DTNA: variants seen among roughly 807,000 people sequenced by gnomAD.
The protein encoded by DTNA is dystrophin-related protein 3.
In DTNA, 43 loss-of-function variants were observed where a neutral mutation model predicts 100.7. The observed-to-expected ratio is 0.43, with a 90% confidence interval of 0.33 to 0.55. The LOEUF (loss-of-function observed/expected upper bound fraction) is 0.55. Ranked by LOEUF, DTNA falls within the 20% of genes least tolerant of loss-of-function variation. The probability of loss-of-function intolerance (pLI) is 0.04; values close to 1 mark genes in which losing one functional copy is unlikely to be tolerated. For synonymous variants in DTNA, 349 were observed against 347.9 expected (o/e 1.00, Z -0.04); for missense variants, 798 against 953.9 (o/e 0.84, Z 2.15).
At chr18:34,498,565 G>A (rs1303739106) in intron 1 of DTNA, among the ~76,000 whole-genome samples, 2 of 151,708 alleles carry the variant, frequency 1.3e-5, no homozygotes, top group African/African-American at 4.8e-5. Context: ...TCCAGTGAGA[G>A]TTGTATTTAG....
chr18:34,569,821 T>C (rs35500680), intron 1 of DTNA, among the ~76,000 whole-genome samples: 15,423 of 152,026 alleles, frequency 0.1, 1,148 homozygotes, highest in African/African-American at 0.2. Flanking sequence ...ACTCACATTA[T>C]GGAGACCAGT....
chr18:34,876,729 T>C (rs2096822680), intron 18 of DTNA, among the ~76,000 whole-genome samples: 3 of 152,178 alleles, frequency 2.0e-5, no homozygotes, highest in African/African-American at 7.2e-5. Flanking sequence ...CTCTCTACTC[T>C]GAGGGAAAAG....
chr18:34,587,396 G>C (rs944183299), intron 1 of DTNA, among the ~76,000 whole-genome samples: 3 of 151,820 alleles, frequency 2.0e-5, no homozygotes, highest in Admixed American at 1.3e-4. Context: ...CATTTTCTTT[G>C]TTCTCCTCTG....
chr18:34,792,323 G>A (rs983857516), intron 3 of DTNA, among the ~76,000 whole-genome samples: 75 of 152,282 alleles, frequency 4.9e-4, no homozygotes, highest in African/African-American at 1.6e-3. Flanking sequence ...AAGACTGTTG[G>A]CTAGTTGGCT....
chr18:34,543,568 A>G (rs2044464976), intron 1 of DTNA, among the ~76,000 whole-genome samples: 3 of 152,206 alleles, frequency 2.0e-5, no homozygotes, highest in South Asian at 4.1e-4. Flanking sequence ...TCCAAAAGGA[A>G]AACTGAGAAT....
intron 1 of DTNA, among the ~76,000 whole-genome samples, chr18:34,557,467 T>A (rs966423176): frequency 6.6e-6 from 1 of 152,142 alleles, no homozygotes; most frequent in Non-Finnish European, 1.5e-5. Context: ...TTTCCCGTTT[T>A]TCTGTTCTGT....
chr18:34,623,506 C>T (rs1005899621), intron 1 of DTNA, among the ~76,000 whole-genome samples: 7 of 152,094 alleles, frequency 4.6e-5, no homozygotes, highest in African/African-American at 1.7e-4. Flanking sequence ...TAGTTTTCAC[C>T]AATTAGTTTC....
chr18:34,525,347 C>G (rs2042518919), intron 1 of DTNA, among the ~76,000 whole-genome samples: 2 of 152,126 alleles, frequency 1.3e-5, no homozygotes. Flanking sequence ...CGTTTCTCCA[C>G]TGCCCTTCAG....
chr18:34,670,460 G>A (rs1431993199), intron 1 of DTNA, among the ~76,000 whole-genome samples: 1 of 152,186 alleles, frequency 6.6e-6, no homozygotes, highest in Admixed American at 6.5e-5. Flanking sequence ...TTCCATTGCT[G>A]GTGAGGAGCT....
At chr18:34,811,498 C>T (rs1300024857) in intron 5 of DTNA, among the ~76,000 whole-genome samples, 8 of 152,092 alleles carry the variant, frequency 5.3e-5, no homozygotes, top group East Asian at 1.9e-4. Context: ...CACCAAAATC[C>T]GAAAGTTTTA....
At chr18:34,738,022 A>G (rs1459516262) in intron 1 of DTNA, 1 of 152,236 alleles carries the variant, frequency 6.6e-6, no homozygotes, top group African/African-American at 2.4e-5. Context: ...TGTGGTAGAC[A>G]TGCCTATTGG....
chr18:34,807,522 A>G (rs966452499), intron 5 of DTNA, among the ~76,000 whole-genome samples: 1 of 152,152 alleles, frequency 6.6e-6, no homozygotes, highest in Non-Finnish European at 1.5e-5. Context: ...ACCCAAAAGG[A>G]AAGAATAAAG....
chr18:34,787,449 C>T (rs1332994661), intron 3 of DTNA, among the ~76,000 whole-genome samples: 1 of 152,006 alleles, frequency 6.6e-6, no homozygotes, highest in African/African-American at 2.4e-5. Flanking sequence ...AAAGGCTGGC[C>T]CTGGATAAAT....
intron 1 of DTNA, among the ~76,000 whole-genome samples, chr18:34,495,041 G>T (rs1005598226): frequency 3.3e-5 from 5 of 152,094 alleles, no homozygotes; most frequent in African/African-American, 1.2e-4. Flanking sequence ...ACTTTTGCAG[G>T]TGAGAAAATC....
rs199855849 is a variant in DTNA at position 34,877,786 on chromosome 18, T to A, written c.1971T>A (p.Ser657=). The A allele has an allele frequency of 2.5e-6, 4 of 1,613,828 alleles. No individual in the cohort carries two copies. Among genetic ancestry groups the A allele is most frequent in the Non-Finnish European group, 3.4e-6 (4 of 1,179,898 alleles). Residue 657 remains serine (S), a synonymous_variant, in exon 19 of 23, where the codon TCT becomes TCA. Transcript: ENST00000444659. The part of the protein sequence containing the change: ...AADSITNTMS[S]LVKELNSEVG... ...ATTCCATCACTAACACTATGTCCTCTCTTGTGAAAGAGCTGAATTCTGGTG... is the reference window on the plus strand; with the variant it reads ...ATTCCATCACTAACACTATGTCCTCACTTGTGAAAGAGCTGAATTCTGGTG...
At position 34,888,699 on chromosome 18, in the gene DTNA, A is replaced by G. The variant is rs979054894; in HGVS notation, c.*965A>G. 1 of 985,740 alleles carries G rather than the reference A, an allele frequency of 1.0e-6. No individual in the cohort carries two copies. Among genetic ancestry groups the G allele is most frequent in the African/African-American group, 1.7e-5 (1 of 57,230 alleles). The allele number at this position is 985,740 out of a possible 1,614,324, so 61.1% of individuals were successfully genotyped here. On this transcript the variant is annotated 3_prime_UTR_variant, in exon 23 of 23. Transcript: ENST00000444659. ...GTGCCATAAGATCCCCAAACGGACT[A>G]AAGTTATCTCTGCTCTTCCATGGTC...
rs551212279 is a variant in DTNA at position 34,615,329 on chromosome 18, A to G, written c.-2+121815A>G. Among the ~76,000 whole-genome samples, 9 of 152,226 alleles carry G rather than the reference A, an allele frequency of 5.9e-5. No individual in the cohort carries two copies. The East Asian group carries it at 1.7e-3, about 29-fold the overall frequency. On this transcript the variant is annotated intron_variant, in intron 1 of 19. Coordinates refer to the DTNA transcript ENST00000283365. ...CGCCCCCATGACCCAAACACCTCCA[A>G]CCAGGCCCCACCTCTCACTTTGGGG...
At chr18:34,627,162 A>C (rs2057436771) in intron 1 of DTNA, among the ~76,000 whole-genome samples, 1 of 152,208 alleles carries the variant, frequency 6.6e-6, no homozygotes, top group African/African-American at 2.4e-5. Context: ...AAAAAAAAAA[A>C]ATCGATTCAT....
intron 1 of DTNA, among the ~76,000 whole-genome samples, chr18:34,736,725 A>C (rs1426804122): frequency 6.6e-6 from 1 of 152,208 alleles, no homozygotes; most frequent in East Asian, 1.9e-4. Context: ...ATGAACCTCC[A>C]AAAAGTGTTC....
Sources: allele counts gnomAD v4.1 joint callset (sites outside exome capture counted in the v4.1 genomes callset), GRCh38; gene constraint gnomAD v4.1.1; transcripts MANE v1.5; gene names NCBI Gene and HGNC (gene_info 2026-07-23, HGNC 2026-07-21).